The following DENND1B variants were observed in gnomAD, a reference collection of about 807,000 sequenced individuals.
DENND1B encodes DENN domain-containing protein 1B.
Under a neutral mutation model 90.1 loss-of-function variants are expected in DENND1B, and 59 were observed. The ratio of observed to expected loss-of-function variants is 0.65; its 90% CI spans 0.53 to 0.81. DENND1B has a LOEUF of 0.81. Ranked by LOEUF, DENND1B falls within the 40% of genes least tolerant of loss-of-function variation. DENND1B has a pLI of 0.00. For missense variants in DENND1B, 862 were observed against 912.6 expected, an observed-to-expected ratio of 0.94 and a Z score of 0.71; for synonymous variants, 337 against 324.6, an observed-to-expected ratio of 1.04 and a Z score of -0.41.
chr1:197,595,286 A>ACC lies in DENND1B; in HGVS notation c.967_968dup (p.Asp324ValfsTer4). ...TAAGAAAGGCCCTAGCTACTCCATCACCCGTAGCTGTAGACTGCTTCTTCA... is the reference window on the plus strand; with the variant it reads ...TAAGAAAGGCCCTAGCTACTCCATCACCCCCGTAGCTGTAGACTGCTTCTTCA... On this transcript the variant is annotated frameshift_variant, in exon 14 of 23. Coordinates refer to ENST00000620048, the MANE Select transcript of DENND1B (RefSeq NM_001195215.2). LOFTEE classifies it high-confidence loss of function. 6.2e-7 allele frequency: 1 copy of ACC among 1,613,148 alleles called. No homozygotes were observed. The highest frequency in any genetic ancestry group is 2.2e-5 in the East Asian group (1 of 44,834).
At chr1:197,578,754 T>C (rs17272142) in intron 15 of DENND1B, among the ~76,000 whole-genome samples, 2,733 of 152,174 alleles carry the variant, frequency 0.018, 87 homozygotes, top group African/African-American at 0.062. Flanking sequence ...AAATGATAAG[T>C]AAACTAGGAG....
At chr1:197,628,687 A>C (rs1572121414) in intron 10 of DENND1B, among the ~76,000 whole-genome samples, 2 of 152,178 alleles carry the variant, frequency 1.3e-5, no homozygotes, top group African/African-American at 2.4e-5. Flanking sequence ...GGATCTAATT[A>C]AACTAAAGAG....
intron 2 of DENND1B, chr1:197,736,061 T>C (rs1662651586): frequency 1.2e-6 from 1 of 848,418 alleles, no homozygotes; most frequent in African/African-American, 1.7e-5. Flanking sequence ...AAGTAAATGA[T>C]TGTGAAGCCC....
intron 20 of DENND1B, 97 bp downstream of exon 20, chr1:197,539,867 G>A: frequency 9.8e-7 from 1 of 1,016,396 alleles, no homozygotes; most frequent in Non-Finnish European, 1.5e-6. Context: ...TTTCATATAA[G>A]ATAAAAAATT....
chr1:197,593,353 T>TAA (rs1162315824), intron 14 of DENND1B, among the ~76,000 whole-genome samples: 2 of 124,962 alleles, frequency 1.6e-5, no homozygotes, highest in African/African-American at 3.0e-5. Context: ...AAAATACTCC[T>TAA]AAAAAAAAAA....
chr1:197,655,509 G>A (rs1444219193), intron 6 of DENND1B, among the ~76,000 whole-genome samples: 1 of 150,998 alleles, frequency 6.6e-6, no homozygotes, highest in Non-Finnish European at 1.5e-5. Flanking sequence ...AATTAGGTTT[G>A]TTTCAAAAGA....
At chr1:197,514,336 A>G (rs992269501) in intron 20 of DENND1B, among the ~76,000 whole-genome samples, 1 of 151,660 alleles carries the variant, frequency 6.6e-6, no homozygotes, top group Non-Finnish European at 1.5e-5. Context: ...GAGCTAAGCT[A>G]GTGTCCTAAC....
intron 13 of DENND1B, among the ~76,000 whole-genome samples, chr1:197,597,053 C>A (rs1402134365): frequency 2.0e-5 from 3 of 151,772 alleles, no homozygotes; most frequent in Admixed American, 2.0e-4. Flanking sequence ...CAATTTATAT[C>A]CAAGCTCCAT....
intron 15 of DENND1B, among the ~76,000 whole-genome samples, chr1:197,569,231 T>C (rs771548783): frequency 6.6e-6 from 1 of 152,100 alleles, no homozygotes; most frequent in Admixed American, 6.6e-5. Context: ...TGAGACATCA[T>C]GTCATACCTG....
chr1:197,652,360 A>G, intron 6 of DENND1B, 45 bp from the exon 7 acceptor site: 1 of 1,429,562 alleles, frequency 7.0e-7, no homozygotes, highest in Non-Finnish European at 9.7e-7. Flanking sequence ...AACATATACC[A>G]AGCAACTGCA....
chr1:197,731,989 A>G (rs978214305), intron 2 of DENND1B, among the ~76,000 whole-genome samples: 10 of 152,238 alleles, frequency 6.6e-5, no homozygotes, highest in Non-Finnish European at 1.3e-4. Context: ...CTATCACTTT[A>G]TTCATCATTG....
chr1:197,727,824 C>G (rs747952393), intron 2 of DENND1B, among the ~76,000 whole-genome samples: 6 of 152,136 alleles, frequency 3.9e-5, no homozygotes, highest in Non-Finnish European at 8.8e-5. Context: ...TAAAAAAAGA[C>G]ACATCCTTTT....
At chr1:197,596,182 T>C (rs956660581) in intron 13 of DENND1B, among the ~76,000 whole-genome samples, 3 of 152,078 alleles carry the variant, frequency 2.0e-5, no homozygotes, top group Non-Finnish European at 4.4e-5. Context: ...TTAAAAGATA[T>C]TTAAGTTTGT....
At chr1:197,677,259 T>C (rs1656177674) in intron 3 of DENND1B, among the ~76,000 whole-genome samples, 1 of 152,174 alleles carries the variant, frequency 6.6e-6, no homozygotes, top group Non-Finnish European at 1.5e-5. Context: ...CAATCTCATC[T>C]ATACCCACAG....
intron 20 of DENND1B, among the ~76,000 whole-genome samples, chr1:197,515,741 C>T (rs1408841): frequency 0.95 from 144,741 of 151,848 alleles, 69,353 homozygotes; most frequent in Non-Finnish European, 1. Flanking sequence ...TTAAGTCAAG[C>T]CTTTGACACT....
At chr1:197,519,373 T>A (rs1668615722) in intron 20 of DENND1B, among the ~76,000 whole-genome samples, 1 of 151,930 alleles carries the variant, frequency 6.6e-6, no homozygotes, top group Non-Finnish European at 1.5e-5. Flanking sequence ...TAAAGTACTA[T>A]ACTAGTTCAC....
intron 3 of DENND1B, among the ~76,000 whole-genome samples, chr1:197,707,090 C>A (rs1403807843): frequency 1.3e-5 from 2 of 151,970 alleles, no homozygotes; most frequent in Non-Finnish European, 2.9e-5. Flanking sequence ...AAAAAAAGAA[C>A]AAAATCCTGT....
chr1:197,620,146 A>C (rs536938613), intron 10 of DENND1B, among the ~76,000 whole-genome samples: 1 of 151,428 alleles, frequency 6.6e-6, no homozygotes, highest in East Asian at 1.9e-4. Context: ...GAAGCATCCC[A>C]AAGATAATCC....
chr1:197,723,555 A>C (rs1661374335), intron 2 of DENND1B, among the ~76,000 whole-genome samples: 1 of 152,186 alleles, frequency 6.6e-6, no homozygotes, highest in East Asian at 1.9e-4. Context: ...GACATTTTTC[A>C]GATACTAATC....
Sources: allele counts gnomAD v4.1 joint callset (sites outside exome capture counted in the v4.1 genomes callset), GRCh38; gene constraint gnomAD v4.1.1; transcripts MANE v1.5; gene names NCBI Gene and HGNC (gene_info 2026-07-23, HGNC 2026-07-21).